The following C9orf85 variants were observed in gnomAD, a reference collection of about 807,000 sequenced individuals.
C9orf85 encodes the protein uncharacterized protein C9orf85.
In C9orf85, 16 loss-of-function variants were observed where a neutral mutation model predicts 14.9. The ratio of observed to expected loss-of-function variants is 1.08; its 90% CI spans 0.73 to 1.63. C9orf85 has a LOEUF of 1.63. C9orf85 is among the 40% of genes most tolerant of loss of function. The pLI is 0.00. For synonymous variants in C9orf85, 45 were observed against 56.8 expected, an observed-to-expected ratio of 0.79 and a Z score of 0.93; for missense variants, 172 against 186.1, an observed-to-expected ratio of 0.92 and a Z score of 0.44.
intron 1 of C9orf85, among the ~76,000 whole-genome samples, chr9:71,943,811 G>A (rs1822009214): frequency 6.6e-6 from 1 of 151,706 alleles, no homozygotes; most frequent in Non-Finnish European, 1.5e-5. Flanking sequence ...AAAGTGCTGG[G>A]ATTACAGGTG....
At chr9:71,980,257 AC>A (rs1439095208) in intron 3 of C9orf85, among the ~76,000 whole-genome samples, 1 of 152,180 alleles carries the variant, frequency 6.6e-6, no homozygotes, top group South Asian at 2.1e-4. Context: ...CAAGTGATCC[AC>A]CCATCTCAGC....
intron 2 of C9orf85, among the ~76,000 whole-genome samples, chr9:71,953,479 C>T (rs750591480): frequency 6.6e-6 from 1 of 152,140 alleles, no homozygotes; most frequent in Non-Finnish European, 1.5e-5. Context: ...TGCCTTGGAA[C>T]CAGCATTACT....
At chr9:71,972,277 GAGA>G (rs1822896272) in intron 3 of C9orf85, among the ~76,000 whole-genome samples, 1 of 143,318 alleles carries the variant, frequency 7.0e-6, no homozygotes, top group South Asian at 2.2e-4. Context: ...TTTTTTTTTT[GAGA>G]AGGAGTTTCG....
At chr9:71,932,666 T>A (rs1828098566) in intron 1 of C9orf85, among the ~76,000 whole-genome samples, 2 of 152,172 alleles carry the variant, frequency 1.3e-5, no homozygotes, top group Non-Finnish European at 2.9e-5. Context: ...AGAATCTGAC[T>A]TCCAGGGTTA....
chr9:71,962,986 G>C (rs895385862), intron 2 of C9orf85, among the ~76,000 whole-genome samples: 2 of 152,144 alleles, frequency 1.3e-5, no homozygotes, highest in African/African-American at 2.4e-5. Context: ...AACCCGGGAA[G>C]TGGAGGTTGC....
intron 1 of C9orf85, among the ~76,000 whole-genome samples, chr9:71,943,433 TATAAA>T (rs1047878949): frequency 2.6e-5 from 4 of 152,220 alleles, no homozygotes; most frequent in East Asian, 1.9e-4. Context: ...AATGATACTT[TATAAA>T]ATATTTTTCA....
At chr9:71,916,588 A>C (rs1429101848) in intron 1 of C9orf85, among the ~76,000 whole-genome samples, 1 of 152,242 alleles carries the variant, frequency 6.6e-6, no homozygotes, top group Admixed American at 6.5e-5. Flanking sequence ...TATAGTCTTC[A>C]TCTTGAGATG....
chr9:71,920,996 T>C (rs568800585), intron 1 of C9orf85, among the ~76,000 whole-genome samples: 2 of 152,174 alleles, frequency 1.3e-5, no homozygotes, highest in South Asian at 4.2e-4. Flanking sequence ...CCTTCTCCAT[T>C]TGGAGTCTAG....
At chr9:71,963,626 C>A (rs572061751) in intron 2 of C9orf85, among the ~76,000 whole-genome samples, 500 of 152,318 alleles carry the variant, frequency 3.3e-3, no homozygotes, top group Non-Finnish European at 5.7e-3. Flanking sequence ...GCGGGCCCTG[C>A]ACTCAGATTA....
chr9:71,936,938 T>C (rs900329219), intron 1 of C9orf85, among the ~76,000 whole-genome samples: 3 of 151,970 alleles, frequency 2.0e-5, no homozygotes, highest in Admixed American at 6.6e-5. Context: ...TTCATTTTTT[T>C]TGTAGAAACG....
At chr9:71,942,433 C>T (rs1001201431) in intron 1 of C9orf85, among the ~76,000 whole-genome samples, 1 of 152,184 alleles carries the variant, frequency 6.6e-6, no homozygotes, top group Non-Finnish European at 1.5e-5. Context: ...CCATCTCTAA[C>T]AAGTGCACTT....
chr9:71,969,273 C>T (rs566049227), intron 2 of C9orf85, among the ~76,000 whole-genome samples: 2 of 152,232 alleles, frequency 1.3e-5, no homozygotes, highest in East Asian at 3.9e-4. Context: ...CTCAGCCTCC[C>T]AAGTAGCTGG....
Position 71,972,890 on chromosome 9 carries a change from T to C in C9orf85, c.*48T>C. On this transcript the variant is annotated 3_prime_UTR_variant, in exon 4 of 4. Coordinates refer to ENST00000334731, the MANE Select transcript of C9orf85 (RefSeq NM_182505.5). ...CGGGCACAGTGGCTCACGCCTGTAA[T>C]CCCAACACTTTGGGAGGCCAAGGAG... is the stretch of plus-strand genomic sequence containing the variant. The C allele has an allele frequency of 1.4e-6, 2 of 1,463,024 alleles. No homozygotes were observed. Among genetic ancestry groups the C allele is most frequent in the Non-Finnish European group, 9.2e-7 (1 of 1,086,996 alleles). The allele number at this position is 1,463,024 out of a possible 1,614,324, so 90.6% of individuals were successfully genotyped here. A position where few individuals can be genotyped will look rare whatever the true frequency, so the allele number is the denominator to read the frequency against.
At chr9:71,970,769 T>G (rs149669860) in intron 2 of C9orf85, among the ~76,000 whole-genome samples, 1 of 152,120 alleles carries the variant, frequency 6.6e-6, no homozygotes, top group African/African-American at 2.4e-5. Context: ...AGAGAGTTCA[T>G]TGAGTCTGTA....
At chr9:71,958,000 T>C (rs1039934257) in intron 2 of C9orf85, among the ~76,000 whole-genome samples, 8 of 152,214 alleles carry the variant, frequency 5.3e-5, no homozygotes, top group Middle Eastern at 3.4e-3. Context: ...GATGTATCCT[T>C]TCTAGTGGAA....
chr9:71,955,050 A>G (rs903777352), intron 2 of C9orf85, among the ~76,000 whole-genome samples: 1 of 152,114 alleles, frequency 6.6e-6, no homozygotes, highest in African/African-American at 2.4e-5. Flanking sequence ...AAGAATTTCT[A>G]TACCCCTAAA....
At chr9:71,920,057 G>A (rs1470110414) in intron 1 of C9orf85, among the ~76,000 whole-genome samples, 1 of 151,918 alleles carries the variant, frequency 6.6e-6, no homozygotes, top group African/African-American at 2.4e-5. Flanking sequence ...CACCATGCTG[G>A]CCAGGACAGT....
In C9orf85 at chr9:71,972,691, G is replaced by A. The variant is rs1033037674; in HGVS notation, c.324-1G>A. On this transcript the variant is annotated splice_acceptor_variant, in intron 3 of 3. Transcript: ENST00000334731. LOFTEE classifies it high-confidence loss of function. ...ATAGAAATTTTTTCTTTCATCTTTA[G>A]GTTGAATAAAGAAACAGAAAAAATA... is the stretch of plus-strand genomic sequence containing the variant. 30 of 1,565,034 alleles carry A rather than the reference G, an allele frequency of 1.9e-5. No individual in the cohort carries two copies. In the Admixed American group the frequency reaches 2.9e-4, roughly 15 times the overall value.
intron 2 of C9orf85, among the ~76,000 whole-genome samples, chr9:71,959,992 G>A (rs765511170): frequency 4.6e-5 from 7 of 152,192 alleles, no homozygotes; most frequent in Non-Finnish European, 8.8e-5. Context: ...AATCTGTGAC[G>A]CCCAGGAATT....
Sources: gnomAD v4.1 joint callset for allele counts (sites outside exome capture counted in the v4.1 genomes callset) on GRCh38, gnomAD v4.1.1 for gene constraint, MANE v1.5 for transcripts, NCBI Gene and HGNC (gene_info 2026-07-23, HGNC 2026-07-21) for gene names.